LRRC8C: variants seen among roughly 807,000 people sequenced by gnomAD.
The protein encoded by LRRC8C is volume-regulated anion channel subunit LRRC8C.
In LRRC8C, 20 loss-of-function variants were observed where a neutral mutation model predicts 55.3. The observed-to-expected ratio is 0.36, with a 90% CI of 0.25 to 0.53. The LOEUF (loss-of-function observed/expected upper bound fraction) is 0.53, where lower values mean the gene tolerates loss of function less well. LRRC8C is among the 20% of genes least tolerant of loss of function. The probability of loss-of-function intolerance (pLI) is 0.92; values close to 1 mark genes in which losing one functional copy is unlikely to be tolerated. For missense variants in LRRC8C, 659 were observed against 951.4 expected (o/e 0.69, Z 4.04); for synonymous variants, 376 against 360.7 (o/e 1.04, Z -0.48).
At chr1:89,697,332 G>T (rs1422240163) in intron 2 of LRRC8C, among the ~76,000 whole-genome samples, 2 of 151,874 alleles carry the variant, frequency 1.3e-5, no homozygotes, top group Non-Finnish European at 2.9e-5. Flanking sequence ...CTGTATCTTT[G>T]TCCTGTTCAT....
At chr1:89,654,908 A>G (rs1367764122) in intron 1 of LRRC8C, among the ~76,000 whole-genome samples, 4 of 118,924 alleles carry the variant, frequency 3.4e-5, no homozygotes, top group East Asian at 4.9e-4. Context: ...AGGTCTTGCT[A>G]TGTTGCCCAG....
intron 1 of LRRC8C, among the ~76,000 whole-genome samples, chr1:89,678,102 C>T (rs1657598299): frequency 2.0e-5 from 3 of 152,352 alleles, no homozygotes; most frequent in Middle Eastern, 3.4e-3. Context: ...CCCTTGTTCA[C>T]ACTGGCTTTA....
At chr1:89,618,637 G>A in the LRRC8C span, among the ~76,000 whole-genome samples, 1 of 152,190 alleles carries the variant, frequency 6.6e-6, no homozygotes. Flanking sequence ...AGGAAAGGAA[G>A]GGGTTGAGAG....
chr1:89,624,388 T>C, the LRRC8C span, among the ~76,000 whole-genome samples: 1 of 152,222 alleles, frequency 6.6e-6, no homozygotes, highest in Non-Finnish European at 1.5e-5. Context: ...GACTATTCTA[T>C]GTCATCTTTT....
intron 1 of LRRC8C, among the ~76,000 whole-genome samples, chr1:89,636,086 T>C (rs72959882): frequency 0.022 from 3,284 of 152,174 alleles, 117 homozygotes; most frequent in African/African-American, 0.076. Flanking sequence ...GCAGTAGGAG[T>C]GCAAATGAGG....
chr1:89,674,181 A>G (rs1487596204), intron 1 of LRRC8C, among the ~76,000 whole-genome samples: 1 of 152,138 alleles, frequency 6.6e-6, no homozygotes, highest in African/African-American at 2.4e-5. Context: ...CTTCAGAAAC[A>G]ATGTATTTTA....
upstream of LRRC8C, chr1:89,632,883 C>T (rs1447014244): frequency 6.6e-6 from 1 of 152,388 alleles, no homozygotes; most frequent in Non-Finnish European, 1.5e-5. Flanking sequence ...CGGCATCCCT[C>T]GCTGGCGAGT....
the LRRC8C span, among the ~76,000 whole-genome samples, chr1:89,622,063 T>G: frequency 6.6e-6 from 1 of 152,228 alleles, no homozygotes; most frequent in Non-Finnish European, 1.5e-5. Context: ...CAAGACTGTT[T>G]ATTTTTGTTT....
chr1:89,629,587 G>C (rs142536627), upstream of LRRC8C: 15 of 152,304 alleles, frequency 9.8e-5, no homozygotes, highest in East Asian at 1.5e-3. Flanking sequence ...AGTATAATAA[G>C]AGTTATACTG....
intron 1 of LRRC8C, among the ~76,000 whole-genome samples, chr1:89,645,468 A>G (rs1339568275): frequency 6.6e-6 from 1 of 152,168 alleles, no homozygotes; most frequent in Non-Finnish European, 1.5e-5. Context: ...AAGAATGGCC[A>G]TACACTTCGC....
chr1:89,688,059 C>T (rs531605900), intron 2 of LRRC8C, among the ~76,000 whole-genome samples: 1 of 152,132 alleles, frequency 6.6e-6, no homozygotes, highest in Non-Finnish European at 1.5e-5. Flanking sequence ...ACACCTGAGG[C>T]ACAGAGAGGT....
At chr1:89,633,949 G>A (rs949060327) in intron 1 of LRRC8C, among the ~76,000 whole-genome samples, 4 of 152,148 alleles carry the variant, frequency 2.6e-5, no homozygotes, top group Admixed American at 6.5e-5. Flanking sequence ...GCCTAGGCTC[G>A]CTGATCTTTC....
At chr1:89,703,852 C>G (rs1395984711) in intron 2 of LRRC8C, among the ~76,000 whole-genome samples, 1 of 151,690 alleles carries the variant, frequency 6.6e-6, no homozygotes, top group East Asian at 1.9e-4. Context: ...AGAAATAAGT[C>G]CAAATATCCA....
intron 2 of LRRC8C, among the ~76,000 whole-genome samples, chr1:89,709,683 A>G (rs1658588075): frequency 6.7e-6 from 1 of 149,264 alleles, no homozygotes; most frequent in Admixed American, 6.6e-5. Flanking sequence ...CTTCTATTTA[A>G]TCTTGCTTTT....
At chr1:89,626,744 TG>T in the LRRC8C span, 1 of 152,188 alleles carries the variant, frequency 6.6e-6, no homozygotes, top group Non-Finnish European at 1.5e-5. Context: ...AGTGGAGTTT[TG>T]GGGTACACCT....
intron 1 of LRRC8C, among the ~76,000 whole-genome samples, chr1:89,676,973 C>A (rs1657568320): frequency 1.3e-5 from 2 of 152,240 alleles, no homozygotes; most frequent in South Asian, 4.1e-4. Context: ...AGCTACTGAT[C>A]ATAGATTTTT....
intron 2 of LRRC8C, among the ~76,000 whole-genome samples, chr1:89,697,060 C>T (rs1221203688): frequency 6.6e-6 from 1 of 152,084 alleles, no homozygotes; most frequent in Non-Finnish European, 1.5e-5. Flanking sequence ...TAACAAGTGC[C>T]ATGACTCTTG....
chr1:89,714,846 TAAAAGGTAATCACTTTG>T lies in LRRC8C; in HGVS notation c.2280_2296del (p.Lys760AsnfsTer5). On this transcript the variant is annotated frameshift_variant, in exon 3 of 3. Transcript: ENST00000370454. LOFTEE classifies it high-confidence loss of function. The surrounding 1 kb of genome is among the most constrained non-coding windows in gnomAD (Gnocchi z 4.6). ...TTGCTATTTCTTTCCTACTTAGATGTAAAAGGTAATCACTTTGAAATCCTCCCTCCTGAACTGGGTGA... is the reference window on the plus strand; with the variant it reads ...TTGCTATTTCTTTCCTACTTAGATGTAAATCCTCCCTCCTGAACTGGGTGA... The T allele has an allele frequency of 6.2e-7, 1 of 1,614,156 alleles. No individual in the cohort carries two copies. Among genetic ancestry groups the T allele is most frequent in the Non-Finnish European group, 8.5e-7 (1 of 1,180,008 alleles).
chr1:89,659,048 G>GTTTTTTTGTTT (rs1301576464), intron 1 of LRRC8C, among the ~76,000 whole-genome samples: 1 of 26,232 alleles, frequency 3.8e-5, no homozygotes, highest in African/African-American at 1.1e-4. Flanking sequence ...TCTTCTCCAG[G>GTTTTTTTGTTT]TTTTTTTTTT....
Sources: gnomAD v4.1 joint callset for allele counts (sites outside exome capture counted in the v4.1 genomes callset) on GRCh38, gnomAD v4.1.1 for gene constraint, Gnocchi (gnomAD v3.1) non-coding constraint, MANE v1.5 for transcripts, NCBI Gene and HGNC (gene_info 2026-07-23, HGNC 2026-07-21) for gene names.